Variants in MYH6 observed in about 807,000 individuals in gnomAD.
MYH6 encodes the protein myosin heavy chain 6, also known as myosin-6.
In MYH6, 126 loss-of-function variants were observed where a neutral mutation model predicts 223.2. That is an observed-to-expected ratio of 0.56 (90% CI 0.49 to 0.65). MYH6 has a LOEUF of 0.65. Ranked by LOEUF, MYH6 falls within the 30% of genes least tolerant of loss-of-function variation. The probability of loss-of-function intolerance (pLI) is 0.00; values close to 1 mark genes in which losing one functional copy is unlikely to be tolerated. For synonymous variants in MYH6, 978 were observed against 1,010.2 expected (o/e 0.97, Z 0.61); for missense variants, 2,040 against 2,536.4 (o/e 0.80, Z 4.20).
intron 19 of MYH6, 109 bp downstream of exon 19, chr14:23,396,585 A>G (rs776911881): frequency 6.3e-7 from 1 of 1,598,522 alleles, no homozygotes; most frequent in South Asian, 1.1e-5. Flanking sequence ...TCAGCCCTTG[A>G]TAAGGTTGAT....
chr14:23,401,088 C>A, intron 12 of MYH6, 111 bp from the exon 13 acceptor site: 1 of 1,498,034 alleles, frequency 6.7e-7, no homozygotes, highest in Non-Finnish European at 9.0e-7. Flanking sequence ...CTCACTACAG[C>A]CTCCACCTCC....
chr14:23,402,332 C>T (rs551052103), intron 12 of MYH6, 132 bp downstream of exon 12: 26 of 1,399,058 alleles, frequency 1.9e-5, no homozygotes, highest in Admixed American at 9.6e-5. Flanking sequence ...ACGTCTCCCA[C>T]GTCCCTGTCC....
intron 15 of MYH6, among the ~76,000 whole-genome samples, chr14:23,398,000 CTTCT>C: frequency 7.1e-6 from 1 of 141,194 alleles, no homozygotes. Context: ...TCTTCTTCTT[CTTCT>C]TCTTCTTCTT....
chr14:23,400,711 C>A lies in MYH6; in HGVS notation c.1408G>T (p.Asp470Tyr), dbSNP rs777651128. 13 of 1,614,108 alleles carry A rather than the reference C, an allele frequency of 8.1e-6. No individual in the cohort carries two copies. Among genetic ancestry groups the A allele is most frequent in the Non-Finnish European group, 1.0e-5 (12 of 1,180,058 alleles). ...VLDIAGFEIF[D>Y]FNSFEQLCIN... ...CACTCCCAGGGGTCCCAACTCACGT[C>A]GAAGATCTCGAAGCCAGCGATGTCC... The change falls in exon 13 of 39, where the codon GAC becomes TAC. Residue 470 changes from aspartate (D) to tyrosine (Y), a missense_variant and splice_region_variant. Physicochemically the swap from Asp to Tyr is radical, Grantham distance 160. Around this residue, in one of 4 missense-constraint regions of MYH6, gnomAD observed 649 missense variants for 877.3 expected, o/e 0.74. Transcript: ENST00000405093.
At position 23,384,580 on chromosome 14, in the gene MYH6, T is replaced by G. The variant is rs149294569; in HGVS notation, c.5427A>C (p.Gly1809=). 48 of 1,613,656 alleles carry G rather than the reference T, an allele frequency of 3.0e-5. No individual in the cohort carries two copies. The highest frequency in any genetic ancestry group is 6.7e-5 in the East Asian group (3 of 44,898). Residue 1809 remains glycine (G), a synonymous_variant, in exon 36 of 39, where the codon GGA becomes GGC. Transcript: ENST00000405093. ...CCAGCTTCTGCAGCTGCTTCTTGCCTCCCTTGAGGGCGATCTGCTCGGCCT... is the reference window on the plus strand; with the variant it reads ...CCAGCTTCTGCAGCTGCTTCTTGCCGCCCTTGAGGGCGATCTGCTCGGCCT... ...LDEAEQIALK[G]GKKQLQKLEA...
rs1402924738 is a variant in MYH6, at chr14:23,388,306, T to G, written c.4208A>C (p.Glu1403Ala). Reference sequence around the variant, plus strand: ...GGCATTAACAGCCTCCACGGCCTCCTCGGCATCCTGCAGCCGCTGGGCCAG... The same window carrying G: ...GGCATTAACAGCCTCCACGGCCTCCGCGGCATCCTGCAGCCGCTGGGCCAG... ...KKLAQRLQDA[E>A]EAVEAVNAKC... The change falls in exon 30 of 39, where the codon GAG becomes GCG. Residue 1403 changes from glutamate to alanine, a missense_variant. Glu to Ala is a moderately radical substitution (Grantham distance 107). Around this residue, in one of 4 missense-constraint regions of MYH6, gnomAD observed 1,203 missense variants for 1,400.2 expected, o/e 0.86. Coordinates refer to ENST00000405093, the MANE Select transcript of MYH6 (RefSeq NM_002471.4). 2.2e-5 allele frequency: 36 copies of G among 1,613,230 alleles called. No homozygotes were observed. Among genetic ancestry groups the G allele is most frequent in the Non-Finnish European group, 2.9e-5 (34 of 1,180,044 alleles).
intron 31 of MYH6, 39 bp downstream of exon 31, chr14:23,387,719 C>T (rs1891076043): frequency 6.2e-7 from 1 of 1,614,128 alleles, no homozygotes; most frequent in Non-Finnish European, 8.5e-7. Flanking sequence ...GCCCTCCCTC[C>T]CACCAACTCA....
At position 23,407,480 on chromosome 14, in the gene MYH6, G is replaced by A. The variant is rs116913061; in HGVS notation, c.-14+96C>T. The A allele has an allele frequency of 3.2e-3, 4,160 of 1,293,458 alleles. 14 individuals carry two copies. Among genetic ancestry groups the A allele is most frequent in the Non-Finnish European group, 3.6e-3 (3,525 of 985,798 alleles). 80.1% of individuals were successfully genotyped at this position (1,293,458 alleles called of 1,614,324 possible). A position where few individuals can be genotyped will look rare whatever the true frequency, so the allele number is the denominator to read the frequency against. ...TGGCTGGAGTATGCTAAGGGTTGGC[G>A]CTGAGTGCTTGGGACAGCAGACCCC... On this transcript the variant is annotated intron_variant, in intron 2 of 38. Transcript: ENST00000405093. The surrounding 1 kb of genome is among the most constrained non-coding windows in gnomAD (Gnocchi z 5.6).
chr14:23,389,697 C>T lies in MYH6; in HGVS notation c.3755G>A (p.Arg1252Gln), dbSNP rs759454361. 2.6e-5 allele frequency: 42 copies of T among 1,614,122 alleles called. No individual in the cohort carries two copies. Among genetic ancestry groups the T allele is most frequent in the East Asian group, 2.2e-4 (10 of 44,862 alleles). Residue 1252 changes from arginine to glutamine, a missense_variant, in exon 27 of 39, where the codon CGG becomes CAG. Coordinates refer to ENST00000405093, the MANE Select transcript of MYH6 (RefSeq NM_002471.4). ...CTCATTGGCCTGGTCCTCCAGCGTCCGAGACACTTTCTCCAGGTTTGCCTT... is the reference window on the plus strand; with the variant it reads ...CTCATTGGCCTGGTCCTCCAGCGTCTGAGACACTTTCTCCAGGTTTGCCTT... ...KAKANLEKVSRTLEDQANEYR... is the reference protein window; with the variant it reads ...KAKANLEKVSQTLEDQANEYR...
chr14:23,402,959 A>G (rs1366354637), intron 10 of MYH6, among the ~76,000 whole-genome samples, 159 bp from the exon 11 acceptor site: 1 of 151,854 alleles, frequency 6.6e-6, no homozygotes, highest in Non-Finnish European at 1.5e-5. Flanking sequence ...GAAGTCAGCA[A>G]GGACCAAGGA....
chr14:23,404,829 G>A lies in MYH6; in HGVS notation c.531-7C>T. 1.2e-6 allele frequency: 2 copies of A among 1,611,554 alleles called. No individual in the cohort carries two copies. Among genetic ancestry groups the A allele is most frequent in the South Asian group, 1.1e-5 (1 of 91,030 alleles). ...CCCCGCCCCGGATTCTCCCCTGGGG[G>A]CCACAGAGACCAATCAAAACTCAGG... On this transcript the variant is annotated splice_region_variant and splice_polypyrimidine_tract_variant and intron_variant, in intron 6 of 38. Coordinates refer to ENST00000405093, the MANE Select transcript of MYH6 (RefSeq NM_002471.4).
intron 6 of MYH6, 47 bp from the exon 7 acceptor site, chr14:23,404,869 C>T (rs778134990): frequency 5.1e-6 from 8 of 1,570,706 alleles, no homozygotes; most frequent in East Asian, 2.2e-5. Context: ...CTACTGTTCT[C>T]CATACAGGGC....
In MYH6 at chr14:23,405,627, A is replaced by C. The variant is rs770221652; in HGVS notation, c.345T>G (p.Tyr115Ter). Residue 115 changes from tyrosine (Y) to a stop codon, truncating the protein, a stop_gained and splice_region_variant, in exon 4 of 39, where the codon TAT becomes TAG. Transcript: ENST00000405093. LOFTEE classifies it high-confidence loss of function. The surrounding 1 kb of genome is among the most constrained non-coding windows in gnomAD (Gnocchi z 4.7). ...LKERYAAWMIYTYSGLFCVTV... is the reference protein window; with the variant it reads ...LKERYAAWMI ...TCTGCAGTGTGCAGGAGCCACTCAC[A>C]TATATCATCCAGGCCGCGTAGCGCT... 1.2e-6 allele frequency: 2 copies of C among 1,614,060 alleles called. No homozygotes were observed. The highest frequency in any genetic ancestry group is 2.2e-5 in the South Asian group (2 of 91,086).
intron 29 of MYH6, 163 bp from the exon 30 acceptor site, chr14:23,388,501 G>A (rs925561589): frequency 4.7e-5 from 56 of 1,185,342 alleles, no homozygotes; most frequent in Non-Finnish European, 6.7e-5. Flanking sequence ...CCGCCAGCAC[G>A]GGCTGCCCAG....
intron 13 of MYH6, 93 bp downstream of exon 13, chr14:23,400,616 C>T (rs1714266866): frequency 6.2e-7 from 1 of 1,604,754 alleles, no homozygotes; most frequent in Non-Finnish European, 8.5e-7. Flanking sequence ...ACTGCCTTCC[C>T]ATGTCTGGTC....
intron 15 of MYH6, among the ~76,000 whole-genome samples, chr14:23,397,950 T>C (rs866302886): frequency 0.014 from 1,148 of 80,266 alleles, 18 homozygotes; most frequent in African/African-American, 0.032. Context: ...CTTCTTCTTC[T>C]TCTTCTTCTT....
rs769715148 is a variant in MYH6, at chr14:23,393,387, G to A, written c.3060C>T (p.Asn1020=). The A allele has an allele frequency of 1.2e-6, 2 of 1,614,210 alleles. No homozygotes were observed. Among genetic ancestry groups the A allele is most frequent in the South Asian group, 1.1e-5 (1 of 91,084 alleles). Residue 1020 remains asparagine (N), a synonymous_variant, in exon 23 of 39, where the codon AAC becomes AAT. Coordinates refer to ENST00000405093, the MANE Select transcript of MYH6 (RefSeq NM_002471.4). ...GCTTGACCTTAGACTTGGACAGGCT[G>A]TTGACCTTGTCTTCCTCAACCTGAA... ...DDLQVEEDKV[N]SLSKSKVKLE...
In MYH6 at chr14:23,407,156, C is replaced by T. The variant is rs771786844; in HGVS notation, c.68G>A (p.Arg23His). The T allele has an allele frequency of 6.8e-6, 11 of 1,614,156 alleles. No individual in the cohort carries two copies. Among genetic ancestry groups the T allele is most frequent in the African/African-American group, 5.3e-5 (4 of 74,948 alleles). ...AQYLRKSEKE[R>H]LEAQTRPFDI... ...AAAGGGCCGGGTCTGGGCCTCTAGA[C>T]GCTCCTTCTCTGACTTGCGGAGGTA... Residue 23 changes from arginine (R) to histidine (H), a missense_variant, in exon 3 of 39, where the codon CGT becomes CAT. Physicochemically the swap from Arg to His is conservative, Grantham distance 29 (BLOSUM62 0). Around this residue, in one of 4 missense-constraint regions of MYH6, gnomAD observed 184 missense variants for 232.4 expected, o/e 0.79. Coordinates refer to ENST00000405093, the MANE Select transcript of MYH6 (RefSeq NM_002471.4). This position sits in a 1 kb window ranked among gnomAD's most constrained non-coding sequence, Gnocchi z 5.6.
At chr14:23,402,422 G>A (rs751460068) in intron 12 of MYH6, 42 bp downstream of exon 12, 3 of 1,610,106 alleles carry the variant, frequency 1.9e-6, no homozygotes, top group African/African-American at 2.7e-5. Flanking sequence ...AGCCTGGTCA[G>A]CACCTCAGGC....
Sources: allele counts gnomAD v4.1 joint callset (sites outside exome capture counted in the v4.1 genomes callset), GRCh38; gene constraint gnomAD v4.1.1; regional missense constraint gnomAD v4.1.1; non-coding constraint Gnocchi (gnomAD v3.1); transcripts MANE v1.5; gene names NCBI Gene and HGNC (gene_info 2026-07-23, HGNC 2026-07-21).